The following CHRNA5 variants were observed in gnomAD, a reference collection of about 807,000 sequenced individuals.
The protein encoded by CHRNA5 is neuronal acetylcholine receptor subunit alpha-5.
CHRNA5 carries 28 observed loss-of-function variants against 41.2 expected under a neutral mutation model. That is an observed-to-expected ratio of 0.68 (90% CI 0.50 to 0.93). CHRNA5 has a LOEUF of 0.93. Among genes scored for constraint, CHRNA5 ranks in the 40% least tolerant of loss-of-function variants. CHRNA5 has a pLI of 0.00. For missense variants in CHRNA5, 481 were observed against 581.9 expected (o/e 0.83, Z 1.78); for synonymous variants, 188 against 205.8 (o/e 0.91, Z 0.74).
chr15:78,566,057 G>A (rs1001645976), intron 1 of CHRNA5, among the ~76,000 whole-genome samples: 1 of 152,134 alleles, frequency 6.6e-6, no homozygotes, highest in Admixed American at 6.5e-5. Context: ...GACCTGCATC[G>A]CTGGAGACTA....
chr15:78,590,765 G>A lies in CHRNA5; in HGVS notation c.1245+129G>A, dbSNP rs1242598730. 4.1e-6 allele frequency: 3 copies of A among 733,810 alleles called. No homozygotes were observed. The East Asian group carries it at 8.2e-5, about 20-fold the overall frequency. The allele number at this position is 733,810 out of a possible 1,614,324, so 45.5% of individuals were successfully genotyped here. On this transcript the variant is annotated intron_variant, in intron 5 of 5. Coordinates refer to ENST00000299565, the Ensembl canonical transcript of CHRNA5. ...TAAGCATAGATTGAGGGCCAGAATTGTTGACATATTTTCTATAAAAGATCT... is the reference window on the plus strand; with the variant it reads ...TAAGCATAGATTGAGGGCCAGAATTATTGACATATTTTCTATAAAAGATCT...
intron 1 of CHRNA5, among the ~76,000 whole-genome samples, chr15:78,567,978 G>A (rs2052765393): frequency 6.6e-6 from 1 of 152,172 alleles, no homozygotes; most frequent in East Asian, 1.9e-4. Context: ...GTGTTTCCTT[G>A]GACGTATTAC....
intron 1 of CHRNA5, among the ~76,000 whole-genome samples, chr15:78,577,831 T>A (rs1596058985): frequency 1.3e-5 from 2 of 149,938 alleles, no homozygotes; most frequent in Non-Finnish European, 3.0e-5. Context: ...CTCAGGAGGC[T>A]GAGGTGGGAG....
intron 1 of CHRNA5, among the ~76,000 whole-genome samples, chr15:78,567,908 C>G (rs116297933): frequency 0.016 from 2,417 of 152,268 alleles, 57 homozygotes; most frequent in African/African-American, 0.055. Context: ...GTACAACTGT[C>G]GTTCCATGTG....
chr15:78,567,437 A>G (rs538502429), intron 1 of CHRNA5, among the ~76,000 whole-genome samples: 92 of 152,322 alleles, frequency 6.0e-4, no homozygotes, highest in African/African-American at 2.1e-3. Flanking sequence ...GTCTTTTAAT[A>G]TAGAACACTG....
intron 4 of CHRNA5, 129 bp from the exon 5 acceptor site, chr15:78,589,676 G>A: frequency 1.4e-6 from 1 of 718,238 alleles, no homozygotes; most frequent in African/African-American, 1.8e-5. Flanking sequence ...TATCTTATCT[G>A]AAGTATAGTA....
intron 2 of CHRNA5, among the ~76,000 whole-genome samples, chr15:78,586,074 A>G (rs1431765266): frequency 6.6e-6 from 1 of 152,096 alleles, no homozygotes. Flanking sequence ...TATTATAGGC[A>G]TAAGCCACTG....
At chr15:78,574,092 C>T (rs1466769558) in intron 1 of CHRNA5, among the ~76,000 whole-genome samples, 1 of 149,542 alleles carries the variant, frequency 6.7e-6, no homozygotes, top group African/African-American at 2.5e-5. Flanking sequence ...GGATTACAGG[C>T]GTGAGCCACC....
intron 1 of CHRNA5, among the ~76,000 whole-genome samples, chr15:78,580,107 C>T (rs1398421688): frequency 6.6e-6 from 1 of 151,504 alleles, no homozygotes; most frequent in Non-Finnish European, 1.5e-5. Context: ...TGGTGGAACC[C>T]CGTCTCTACT....
intron 1 of CHRNA5, among the ~76,000 whole-genome samples, chr15:78,567,614 T>A (rs1166312625): frequency 6.6e-6 from 1 of 152,242 alleles, no homozygotes. Flanking sequence ...TGCTTCCACG[T>A]AAGCTCCTTA....
intron 2 of CHRNA5, 68 bp from the exon 3 acceptor site, chr15:78,586,577 T>C (rs573456429): frequency 5.3e-6 from 5 of 943,420 alleles, no homozygotes; most frequent in East Asian, 5.1e-5. Context: ...CAATGTGAAA[T>C]TTATTATTTA....
chr15:78,586,983 A>C (rs976293265), intron 3 of CHRNA5, among the ~76,000 whole-genome samples: 1 of 152,232 alleles, frequency 6.6e-6, no homozygotes, highest in Non-Finnish European at 1.5e-5. Flanking sequence ...TCACACTGCT[A>C]TAAGGACATA....
At chr15:78,594,652 T>TC (rs1347454600) in exon 6 of CHRNA5, 1 of 152,244 alleles carries the variant, frequency 6.6e-6, no homozygotes, top group Non-Finnish European at 1.5e-5. Context: ...CACTCCAGCC[T>TC]GGCAACAAGA....
At chr15:78,594,848 TAATC>T (rs1555416695) in exon 6 of CHRNA5, 1 of 152,212 alleles carries the variant, frequency 6.6e-6, no homozygotes, top group Non-Finnish European at 1.5e-5. Context: ...CCTTTAGATG[TAATC>T]AATCTTAGCC....
exon 3 of CHRNA5, chr15:78,586,672 A>G: frequency 2.5e-6 from 4 of 1,603,528 alleles, no homozygotes; most frequent in Non-Finnish European, 3.4e-6. Context: ...AATGACAACA[A>G]ACGTCTGGTT....
chr15:78,571,535 A>G (rs2052804839), intron 1 of CHRNA5, among the ~76,000 whole-genome samples: 1 of 150,978 alleles, frequency 6.6e-6, no homozygotes, highest in Admixed American at 6.6e-5. Context: ...GCCCCAAATT[A>G]AGATAATGAA....
At chr15:78,594,663 G>A (rs1285723176) in exon 6 of CHRNA5, 1 of 152,192 alleles carries the variant, frequency 6.6e-6, no homozygotes. Flanking sequence ...GGCAACAAGA[G>A]CAAAACTCTG....
At chr15:78,592,634 A>G (rs1169244440) in intron 5 of CHRNA5, among the ~76,000 whole-genome samples, 2 of 152,210 alleles carry the variant, frequency 1.3e-5, no homozygotes, top group Non-Finnish European at 2.9e-5. Context: ...AAAAATAAAT[A>G]AAGTGTGTAT....
chr15:78,567,732 A>G (rs1236611826), intron 1 of CHRNA5, among the ~76,000 whole-genome samples: 1 of 152,200 alleles, frequency 6.6e-6, no homozygotes, highest in Non-Finnish European at 1.5e-5. Context: ...CTCTCTGGAT[A>G]TTAGTTTCTC....
Sources: gnomAD v4.1 joint callset for allele counts (sites outside exome capture counted in the v4.1 genomes callset) on GRCh38, gnomAD v4.1.1 for gene constraint, MANE v1.5 for transcripts, NCBI Gene and HGNC (gene_info 2026-07-23, HGNC 2026-07-21) for gene names.